KLF12: variants seen among roughly 807,000 people sequenced by gnomAD.
KLF12 encodes the protein Krueppel-like factor 12.
In KLF12, 9 loss-of-function variants were observed where a neutral mutation model predicts 37.8. The observed-to-expected ratio is 0.24, with a 90% CI of 0.14 to 0.42. The LOEUF is 0.42. Ranked by LOEUF, KLF12 falls within the 10% of genes least tolerant of loss-of-function variation. The pLI is 1.00. For missense variants in KLF12, 411 were observed against 516.0 expected (o/e 0.80, Z 1.97); for synonymous variants, 208 against 202.1 (o/e 1.03, Z -0.25).
At chr13:74,218,329 C>T in the KLF12 span, among the ~76,000 whole-genome samples, 1 of 152,032 alleles carries the variant, frequency 6.6e-6, no homozygotes, top group African/African-American at 2.4e-5. Context: ...AAAGGGAGTG[C>T]CGAGAAATGA....
intron 4 of KLF12, among the ~76,000 whole-genome samples, chr13:73,837,892 T>C (rs1168638314): frequency 6.6e-6 from 1 of 152,200 alleles, no homozygotes; most frequent in Non-Finnish European, 1.5e-5. Flanking sequence ...TATCTAGGAC[T>C]ATTCTGTCAT....
chr13:74,057,883 A>C (rs1196965593), intron 1 of KLF12, among the ~76,000 whole-genome samples: 2 of 152,152 alleles, frequency 1.3e-5, no homozygotes, highest in African/African-American at 2.4e-5. Context: ...GAAGGGAAGA[A>C]TCAGATGAAA....
At chr13:74,252,077 C>T in the KLF12 span, among the ~76,000 whole-genome samples, 1 of 152,190 alleles carries the variant, frequency 6.6e-6, no homozygotes, top group Non-Finnish European at 1.5e-5. Flanking sequence ...GGCACCACTT[C>T]CCCCAAGGAC....
At chr13:74,116,581 T>C (rs745738238) in intron 1 of KLF12, among the ~76,000 whole-genome samples, 19 of 152,350 alleles carry the variant, frequency 1.2e-4, no homozygotes, top group Middle Eastern at 6.8e-3. Flanking sequence ...ATGGCTATGA[T>C]TGTTTCCTAG....
intron 1 of KLF12, among the ~76,000 whole-genome samples, chr13:74,101,579 G>C (rs1876344646): frequency 6.6e-6 from 1 of 151,998 alleles, no homozygotes; most frequent in African/African-American, 2.4e-5. Context: ...AGGAGGACAG[G>C]GCAGAGAAAA....
At chr13:73,924,746 G>A (rs1161588183) in intron 3 of KLF12, among the ~76,000 whole-genome samples, 1 of 152,194 alleles carries the variant, frequency 6.6e-6, no homozygotes, top group African/African-American at 2.4e-5. Context: ...AAAACAGGCT[G>A]AAACCTAGGC....
At chr13:74,083,393 G>C (rs1002577538) in intron 1 of KLF12, among the ~76,000 whole-genome samples, 1 of 151,804 alleles carries the variant, frequency 6.6e-6, no homozygotes, top group Non-Finnish European at 1.5e-5. Flanking sequence ...TGTAGTCCCC[G>C]CTACTCAACA....
rs374992727 is a variant in KLF12 at position 73,890,868 on chromosome 13, T to C, written c.124-44495A>G. Among the ~76,000 whole-genome samples, 3 of 152,204 alleles carry C rather than the reference T, an allele frequency of 2.0e-5. No individual in the cohort carries two copies. In the South Asian group the frequency reaches 6.2e-4, roughly 32 times the overall value. On this transcript the variant is annotated intron_variant, in intron 3 of 7. Transcript: ENST00000377669. ...GTCCTTTTCTGCCTAGAAAGCCAAC[T>C]ACCTCTCTTAGTTCACTGGAGCCCT...
chr13:74,213,726 G>A, the KLF12 span, among the ~76,000 whole-genome samples: 1 of 149,746 alleles, frequency 6.7e-6, no homozygotes. Context: ...AACATAGTTC[G>A]AACTCTAAAA....
At chr13:73,959,053 C>T (rs542823250) in intron 2 of KLF12, among the ~76,000 whole-genome samples, 60 of 141,966 alleles carry the variant, frequency 4.2e-4, no homozygotes, top group Admixed American at 2.7e-3. Context: ...TCCAACTGGA[C>T]ATTCCATGGG....
intron 2 of KLF12, among the ~76,000 whole-genome samples, chr13:73,987,214 T>C (rs1443079645): frequency 6.6e-6 from 1 of 152,130 alleles, no homozygotes; most frequent in African/African-American, 2.4e-5. Flanking sequence ...ATTATTAACA[T>C]TATTAAATAA....
At chr13:73,846,590 T>C (rs560405072) in intron 3 of KLF12, among the ~76,000 whole-genome samples, 1 of 152,270 alleles carries the variant, frequency 6.6e-6, no homozygotes, top group African/African-American at 2.4e-5. Flanking sequence ...CATAAAGACA[T>C]TTTCATTCCA....
intron 1 of KLF12, among the ~76,000 whole-genome samples, chr13:74,012,171 A>T (rs1337609717): frequency 4.6e-5 from 7 of 152,212 alleles, no homozygotes; most frequent in Non-Finnish European, 1.0e-4. Flanking sequence ...AATTGTGCAG[A>T]ATGTATTTGA....
At chr13:73,892,158 T>A (rs1181139912) in intron 3 of KLF12, among the ~76,000 whole-genome samples, 2 of 152,152 alleles carry the variant, frequency 1.3e-5, no homozygotes, top group African/African-American at 2.4e-5. Context: ...AAGGCCTTTT[T>A]AAAAATCTAC....
At chr13:74,200,853 T>A in the KLF12 span, among the ~76,000 whole-genome samples, 3 of 152,156 alleles carry the variant, frequency 2.0e-5, no homozygotes. Context: ...ATTAGTATTG[T>A]CCTTACCAAG....
At chr13:74,212,523 C>T in the KLF12 span, among the ~76,000 whole-genome samples, 31 of 152,212 alleles carry the variant, frequency 2.0e-4, no homozygotes, top group African/African-American at 4.1e-4. Context: ...AACTGAGGCA[C>T]GCACAGATGT....
At chr13:74,230,130 C>G in the KLF12 span, among the ~76,000 whole-genome samples, 4 of 152,074 alleles carry the variant, frequency 2.6e-5, no homozygotes, top group Admixed American at 1.3e-4. Context: ...TGGGAGGGAC[C>G]TGGTCGGAGG....
the KLF12 span, among the ~76,000 whole-genome samples, chr13:74,300,040 A>G: frequency 2.0e-5 from 3 of 149,124 alleles, no homozygotes; most frequent in South Asian, 6.3e-4. Flanking sequence ...TCCCTAATGG[A>G]AAAAAAAACC....
At chr13:73,972,156 T>TA (rs1165889050) in intron 2 of KLF12, among the ~76,000 whole-genome samples, 13 of 152,200 alleles carry the variant, frequency 8.5e-5, no homozygotes, top group Non-Finnish European at 1.8e-4. Flanking sequence ...CACGAGTATG[T>TA]AAAATCACAG....
Sources: gnomAD v4.1 joint callset for allele counts (sites outside exome capture counted in the v4.1 genomes callset) on GRCh38, gnomAD v4.1.1 for gene constraint, MANE v1.5 for transcripts, NCBI Gene and HGNC (gene_info 2026-07-23, HGNC 2026-07-21) for gene names.